Variants in NR0B1 observed in about 807,000 individuals in gnomAD.
NR0B1 encodes nuclear receptor subfamily 0 group B member 1, also known as DSS-AHC critical region on the X chromosome protein 1.
NR0B1 carries 3 observed loss-of-function variants against 23.0 expected under a neutral mutation model. The observed-to-expected ratio is 0.13, with a 90% CI of 0.06 to 0.34. The LOEUF is 0.34. NR0B1 is among the 10% of genes least tolerant of loss of function. The probability of loss-of-function intolerance (pLI) is 1.00; values close to 1 mark genes in which losing one functional copy is unlikely to be tolerated. For missense variants in NR0B1, 350 were observed against 402.9 expected (o/e 0.87, Z 1.12); for synonymous variants, 205 against 184.0 (o/e 1.11, Z -0.92).
In NR0B1 at chrX:30,304,756, A is replaced by G. The variant is rs774348911; in HGVS notation, c.1236T>C (p.Ser412=). ...GLQWGTQQIL[S]EHTRMTHQGP... is the part of the protein sequence containing the mutation. Reference sequence around the variant, plus strand: ...CTTGGTGCGTCATCCTGGTGTGTTCACTGAGTATTTGCTGAGTTCCCCACT... The same window carrying G: ...CTTGGTGCGTCATCCTGGTGTGTTCGCTGAGTATTTGCTGAGTTCCCCACT... Residue 412 remains serine, a synonymous_variant, in exon 2 of 2, where the codon AGT becomes AGC. Transcript: ENST00000378970. The G allele has an allele frequency of 3.3e-6, 4 of 1,211,361 alleles. No homozygotes were observed. In the East Asian group the frequency reaches 8.9e-5, roughly 27 times the overall value.
chrX:30,307,014 T>C (rs960973417), intron 1 of NR0B1, among the ~76,000 whole-genome samples: 4 of 111,495 alleles, frequency 3.6e-5, no homozygotes, highest in African/African-American at 1.3e-4. Flanking sequence ...GGTCTCTACG[T>C]CATGAAACGT....
chrX:30,309,133 G>T lies in NR0B1; in HGVS notation c.231C>A (p.Gly77=). 8.3e-7 allele frequency: 1 copy of T among 1,198,459 alleles called. No homozygotes were observed. The highest frequency in any genetic ancestry group is 1.8e-5 in the South Asian group (1 of 55,465). ...TCGTCAGCATGCTGTAGAGGATGCT[G>T]CCCTGCCGTGGGTGGTCTTTACCGC... The part of the protein sequence containing the change: ...CFCGKDHPRQ[G]SILYSMLTSA... The change falls in exon 1 of 2, where the codon GGC becomes GGA. Residue 77 remains glycine, a synonymous_variant. Transcript: ENST00000378970.
Position 30,308,894 on chromosome X carries a change from T to G in NR0B1, c.470A>C (p.His157Pro). 1 of 1,174,419 alleles carries G rather than the reference T, an allele frequency of 8.5e-7. No individual in the cohort carries two copies. Among genetic ancestry groups the G allele is most frequent in the Non-Finnish European group, 1.1e-6 (1 of 876,079 alleles). Reference sequence around the variant, plus strand: ...TGCCTCGGGCGCTGCCGGAGCCACGTGCGTTTGCTTTGAGCTAGTGAGCAA... The same window carrying G: ...TGCCTCGGGCGCTGCCGGAGCCACGGGCGTTTGCTTTGAGCTAGTGAGCAA... ...YSLLTSSKQT[H>P]VAPAAPEARP... Residue 157 changes from histidine (H) to proline (P), a missense_variant, in exon 1 of 2, where the codon CAC becomes CCC. His to Pro is a moderately conservative substitution (Grantham distance 77, BLOSUM62 -2). Transcript: ENST00000378970.
chrX:30,305,190 A>T (rs1926497941), intron 1 of NR0B1, among the ~76,000 whole-genome samples: 1 of 112,687 alleles, frequency 8.9e-6, no homozygotes, highest in Admixed American at 9.3e-5. Context: ...CACTTTACCT[A>T]TGAGAAACAA....
chrX:30,304,882 T>G (rs1926493366), intron 1 of NR0B1, 59 bp from the exon 2 acceptor site: 2 of 1,169,441 alleles, frequency 1.7e-6, no homozygotes, highest in African/African-American at 3.5e-5. Flanking sequence ...CTTTGCTAGC[T>G]TTTTAAAAAT....
rs781487983 is a variant in NR0B1 at position 30,309,186 on chromosome X, C to A, written c.178G>T (p.Val60Leu). The change falls in exon 1 of 2, where the codon GTG (valine) becomes TTG (leucine). Residue 60 changes from valine to leucine, a missense_variant. Transcript: ENST00000378970. ...GREGLLGGRNVALLYRCCFCG... is the reference protein window; with the variant it reads ...GREGLLGGRNLALLYRCCFCG... Reference sequence around the variant, plus strand: ...AAGCAGCAGCGGTACAGGAGCGCCACGTTCCGCCCGCCCAGCAGCCCCTCT... The same window carrying A: ...AAGCAGCAGCGGTACAGGAGCGCCAAGTTCCGCCCGCCCAGCAGCCCCTCT... The A allele has an allele frequency of 8.3e-7, 1 of 1,198,541 alleles. No homozygotes were observed. Among genetic ancestry groups the A allele is most frequent in the Non-Finnish European group, 1.1e-6 (1 of 890,324 alleles).
Position 30,308,832 on chromosome X carries a change from C to A in NR0B1, c.532G>T (p.Ala178Ser). 3.4e-6 allele frequency: 4 copies of A among 1,166,997 alleles called. No homozygotes were observed. The highest frequency in any genetic ancestry group is 4.6e-6 in the Non-Finnish European group (4 of 873,666). The change falls in exon 1 of 2, where the codon GCG (alanine) becomes TCG (serine). Residue 178 changes from alanine to serine, a missense_variant. This residue lies in a region of NR0B1 where 298 missense variants were observed against 314.0 expected (regional missense o/e 0.95). Transcript: ENST00000378970. ...GCCTCTTTACCCCCTGGCCTCTGCG[C>A]GAAGTAGGAGCGGTCCCACCACGCG... ...GGAWWDRSYF[A>S]QRPGGKEALP...
chrX:30,308,330 G>T lies in NR0B1; in HGVS notation c.1034C>A (p.Pro345Gln), dbSNP rs751208173. The change falls in exon 1 of 2, where the codon CCG becomes CAG. Residue 345 changes from proline to glutamine, a missense_variant. Physicochemically the swap from Pro to Gln is moderately conservative, Grantham distance 76. Coordinates refer to ENST00000378970, the MANE Select transcript of NR0B1 (RefSeq NM_000475.5). The part of the protein sequence containing the change: ...PVPTLQHHLA[P>Q]PAEARKVPSA... ...GGGCACCTTCCTGGCCTCCGCCGGC[G>T]GTGCCAAATGGTGCTGCAGCGTGGG... 4 of 1,209,821 alleles carry T rather than the reference G, an allele frequency of 3.3e-6. No individual in the cohort carries two copies. The South Asian group carries it at 5.3e-5, about 16-fold the overall frequency.
chrX:30,308,048 A>C, intron 1 of NR0B1, 148 bp downstream of exon 1: 1 of 515,040 alleles, frequency 1.9e-6, no homozygotes, highest in Non-Finnish European at 3.4e-6. Context: ...CCCCACCCCA[A>C]CTCTGCTGAG....
rs778107400 is a variant in NR0B1, at chrX:30,308,587, T to C, written c.777A>G (p.Ser259=). 3 of 1,208,318 alleles carry C rather than the reference T, an allele frequency of 2.5e-6. No homozygotes were observed. The South Asian group carries it at 5.3e-5, about 21-fold the overall frequency. The change falls in exon 1 of 2, where the codon TCA becomes TCG. Residue 259 remains serine (S), a synonymous_variant. Coordinates refer to ENST00000378970, the MANE Select transcript of NR0B1 (RefSeq NM_000475.5). ...KSPQVVCEAA[S]AGLLKTLRFV... is the part of the protein sequence containing the mutation. ...AGCGCAGCGTCTTCAACAGGCCCGC[T>C]GAGGCTGCCTCGCAGACCACCTGTG...
At chrX:30,307,024 T>C (rs2068448226) in intron 1 of NR0B1, among the ~76,000 whole-genome samples, 1 of 111,265 alleles carries the variant, frequency 9.0e-6, no homozygotes, top group Non-Finnish European at 1.9e-5. Flanking sequence ...TCATGAAACG[T>C]GAGGTTTGAA....
In NR0B1 at chrX:30,308,818, C is replaced by T. The variant is rs776169171; in HGVS notation, c.546G>A (p.Gly182=). The change falls in exon 1 of 2, where the codon GGG becomes GGA. Residue 182 remains glycine, a synonymous_variant. Coordinates refer to ENST00000378970, the MANE Select transcript of NR0B1 (RefSeq NM_000475.5). ...WDRSYFAQRP[G]GKEALPGGRA... is the part of the protein sequence containing the mutation. Reference sequence around the variant, plus strand: ...GCCCGCCTGGTAGCGCCTCTTTACCCCCTGGCCTCTGCGCGAAGTAGGAGC... The same window carrying T: ...GCCCGCCTGGTAGCGCCTCTTTACCTCCTGGCCTCTGCGCGAAGTAGGAGC... The T allele has an allele frequency of 8.3e-7, 1 of 1,201,872 alleles. No homozygotes were observed.
rs1263182268 is a variant in NR0B1 at position 30,309,337 on chromosome X, C to T, written c.27G>A (p.Gln9=). Reference sequence around the variant, plus strand: ...TAAGCATGTTGTAGAGGATGCTGCCCTGCCACTGGTGGTTCTCGCCCGCCA... The same window carrying T: ...TAAGCATGTTGTAGAGGATGCTGCCTTGCCACTGGTGGTTCTCGCCCGCCA... The part of the protein sequence containing the change: MAGENHQW[Q]GSILYNMLMS... Residue 9 remains glutamine, a synonymous_variant, in exon 1 of 2, where the codon CAG becomes CAA. Coordinates refer to ENST00000378970, the MANE Select transcript of NR0B1 (RefSeq NM_000475.5). The T allele has an allele frequency of 8.3e-7, 1 of 1,202,974 alleles. No individual in the cohort carries two copies. Among genetic ancestry groups the T allele is most frequent in the African/African-American group, 1.7e-5 (1 of 58,067 alleles).
rs1424621817 is a variant in NR0B1 at position 30,304,398 on chromosome X, G to A, written c.*181C>T. Reference sequence around the variant, plus strand: ...GTTGGCAAATGTCTTCTTTAACTATGGAACAGAGAAATTTGTGACTGTCTG... The same window carrying A: ...GTTGGCAAATGTCTTCTTTAACTATAGAACAGAGAAATTTGTGACTGTCTG... On this transcript the variant is annotated 3_prime_UTR_variant, in exon 2 of 2. Transcript: ENST00000378970. 3 of 496,713 alleles carry A rather than the reference G, an allele frequency of 6.0e-6. No homozygotes were observed. The highest frequency in any genetic ancestry group is 2.4e-5 in the African/African-American group (1 of 41,343). 40.9% of individuals were successfully genotyped at this position (496,713 alleles called of 1,213,427 possible). A position where few individuals can be genotyped will look rare whatever the true frequency, so the allele number is the denominator to read the frequency against.
At position 30,304,354 on chromosome X, in the gene NR0B1, G is replaced by T; in HGVS notation, c.*225C>A. ...CCCTGCTATTTTTTTTTTAAAAGAT[G>T]TACAGAGCTATGCTACCTGTTGGCA... On this transcript the variant is annotated 3_prime_UTR_variant, in exon 2 of 2. Coordinates refer to ENST00000378970, the MANE Select transcript of NR0B1 (RefSeq NM_000475.5). 2.7e-6 allele frequency: 1 copy of T among 368,533 alleles called. No homozygotes were observed. The highest frequency in any genetic ancestry group is 4.7e-6 in the Non-Finnish European group (1 of 212,249). 30.4% of individuals were successfully genotyped at this position (368,533 alleles called of 1,213,427 possible).
Position 30,304,520 on chromosome X carries a change from G to A in NR0B1, c.*59C>T. The A allele has an allele frequency of 1.7e-6, 2 of 1,164,090 alleles. No homozygotes were observed. Among genetic ancestry groups the A allele is most frequent in the South Asian group, 1.8e-5 (1 of 55,608 alleles). ...AATATTTTACACTCTTTTGCCCACA[G>A]CTCTTTATTCTTCCCTCATGGTGAA... On this transcript the variant is annotated 3_prime_UTR_variant, in exon 2 of 2. Transcript: ENST00000378970.
At chrX:30,305,294 G>T (rs1926499447) in intron 1 of NR0B1, among the ~76,000 whole-genome samples, 1 of 112,110 alleles carries the variant, frequency 8.9e-6, no homozygotes, top group African/African-American at 3.2e-5. Flanking sequence ...AGCCAATGGT[G>T]GTAAACTTCA....
Position 30,308,615 on chromosome X carries a change from C to A in NR0B1, c.749G>T (p.Ser250Ile). ...GGCTGCCTCGCAGACCACCTGTGGACTCTTGAGCGCCACCGGCCGCAGCGC... is the reference window on the plus strand; with the variant it reads ...GGCTGCCTCGCAGACCACCTGTGGAATCTTGAGCGCCACCGGCCGCAGCGC... ...SGALRPVALK[S>I]PQVVCEAASA... The change falls in exon 1 of 2, where the codon AGT becomes ATT. Residue 250 changes from serine (S) to isoleucine (I), a missense_variant. This residue lies in a region of NR0B1 where 298 missense variants were observed against 314.0 expected (regional missense o/e 0.95). Coordinates refer to ENST00000378970, the MANE Select transcript of NR0B1 (RefSeq NM_000475.5). 1 of 1,207,551 alleles carries A rather than the reference C, an allele frequency of 8.3e-7. No individual in the cohort carries two copies.
In NR0B1 at chrX:30,309,228, C is replaced by T. The variant is rs770087045; in HGVS notation, c.136G>A (p.Glu46Lys). The T allele has an allele frequency of 2.6e-6, 3 of 1,169,427 alleles. No homozygotes were observed. The highest frequency in any genetic ancestry group is 2.4e-4 in the Middle Eastern group (1 of 4,243). Residue 46 changes from glutamate (E) to lysine (K), a missense_variant, in exon 1 of 2, where the codon GAG becomes AAG. Physicochemically the swap from Glu to Lys is moderately conservative, Grantham distance 56 (BLOSUM62 1). Around this residue, in one of 2 missense-constraint regions of NR0B1, gnomAD observed 298 missense variants for 314.0 expected, o/e 0.95. Coordinates refer to ENST00000378970, the MANE Select transcript of NR0B1 (RefSeq NM_000475.5). ...AGCCCCTCTCTGCCCACCCCGGGCT[C>T]ATCGCCGCACGAACAGCCCCAGCAC... ...DQCWGCSCGD[E>K]PGVGREGLLG...
Sources: allele counts gnomAD v4.1 joint callset (sites outside exome capture counted in the v4.1 genomes callset), GRCh38; gene constraint gnomAD v4.1.1; regional missense constraint gnomAD v4.1.1; transcripts MANE v1.5; gene names NCBI Gene and HGNC (gene_info 2026-07-23, HGNC 2026-07-21).